EBF1: variants seen among roughly 807,000 people sequenced by gnomAD.
EBF1 encodes the protein transcription factor COE1.
In EBF1, 10 loss-of-function variants were observed where a neutral mutation model predicts 68.4. The observed-to-expected ratio is 0.15, with a 90% confidence interval of 0.09 to 0.25. The LOEUF is 0.25. Ranked by LOEUF, EBF1 falls within the 10% of genes least tolerant of loss-of-function variation. The pLI is 1.00. For missense variants in EBF1, 509 were observed against 794.4 expected, an observed-to-expected ratio of 0.64 and a Z score of 4.32; for synonymous variants, 298 against 299.8, an observed-to-expected ratio of 0.99 and a Z score of 0.06.
chr5:159,058,046 T>C (rs1775094787), intron 6 of EBF1, among the ~76,000 whole-genome samples: 1 of 152,194 alleles, frequency 6.6e-6, no homozygotes, highest in African/African-American at 2.4e-5. Flanking sequence ...GGTTCTTAGC[T>C]AAAGGGATGA....
At chr5:158,761,679 G>A (rs1355651019) in intron 10 of EBF1, among the ~76,000 whole-genome samples, 3 of 152,110 alleles carry the variant, frequency 2.0e-5, no homozygotes, top group Admixed American at 2.0e-4. Context: ...ATATAATCCT[G>A]GTGAGTTAAG....
chr5:158,727,479 A>C (rs185885502), intron 11 of EBF1, among the ~76,000 whole-genome samples: 1 of 152,292 alleles, frequency 6.6e-6, no homozygotes, highest in East Asian at 1.9e-4. Context: ...AGAAAAGTCA[A>C]CCTTGACCTC....
chr5:158,764,976 G>A (rs947329933), intron 10 of EBF1, among the ~76,000 whole-genome samples: 5 of 152,080 alleles, frequency 3.3e-5, no homozygotes, highest in Non-Finnish European at 7.4e-5. Context: ...AAAAGGAATT[G>A]ATGAATGAGA....
At chr5:158,734,241 G>C (rs992370422) in intron 10 of EBF1, among the ~76,000 whole-genome samples, 1 of 152,006 alleles carries the variant, frequency 6.6e-6, no homozygotes, top group Non-Finnish European at 1.5e-5. Context: ...TTTTTGCTGT[G>C]AATTTTCTAA....
intron 15 of EBF1, among the ~76,000 whole-genome samples, chr5:158,707,396 C>T (rs556879012): frequency 3.3e-5 from 5 of 152,170 alleles, no homozygotes; most frequent in Non-Finnish European, 5.9e-5. Context: ...AATCAGAATA[C>T]TCTAGTGGTG....
Position 158,823,585 on chromosome 5 carries a change from A to G in EBF1, c.637-268T>C, listed in dbSNP as rs530924588. Among the ~76,000 whole-genome samples the G allele has an allele frequency of 2.0e-5, 3 of 152,354 alleles. No individual in the cohort carries two copies. The South Asian group carries it at 6.2e-4, about 32-fold the overall frequency. ...TACACTGTTAACCATAATTTTAACA[A>G]GAGGATCTTTATTAGCATATTTTTT... On this transcript the variant is annotated intron_variant, in intron 7 of 15. Transcript: ENST00000313708.
chr5:158,804,429 A>G (rs1781199248), intron 8 of EBF1, among the ~76,000 whole-genome samples: 1 of 152,130 alleles, frequency 6.6e-6, no homozygotes, highest in African/African-American at 2.4e-5. Flanking sequence ...TGAGCAAGGG[A>G]AGGACAAAAA....
intron 10 of EBF1, among the ~76,000 whole-genome samples, chr5:158,763,258 G>A (rs1388909793): frequency 6.6e-6 from 1 of 152,182 alleles, no homozygotes; most frequent in Non-Finnish European, 1.5e-5. Flanking sequence ...GAGTGCAGCA[G>A]GGGACAGTAT....
intron 8 of EBF1, among the ~76,000 whole-genome samples, chr5:158,818,039 A>C (rs1784094986): frequency 1.3e-5 from 2 of 152,164 alleles, no homozygotes. Context: ...AGTTCAGAGC[A>C]CCATAAAATA....
At chr5:158,708,380 T>C (rs1168015339) in intron 14 of EBF1, among the ~76,000 whole-genome samples, 1 of 152,210 alleles carries the variant, frequency 6.6e-6, no homozygotes, top group African/African-American at 2.4e-5. Flanking sequence ...GGAGATCTTT[T>C]ATGTGTTTAT....
intron 6 of EBF1, among the ~76,000 whole-genome samples, chr5:158,879,700 C>T (rs945107065): frequency 1.3e-5 from 2 of 152,084 alleles, no homozygotes; most frequent in Non-Finnish European, 2.9e-5. Flanking sequence ...TACCCTAGAA[C>T]TTAAAGTATA....
At chr5:159,041,024 G>A (rs1771094131) in intron 6 of EBF1, among the ~76,000 whole-genome samples, 2 of 152,200 alleles carry the variant, frequency 1.3e-5, no homozygotes, top group African/African-American at 4.8e-5. Flanking sequence ...CATATCTACA[G>A]AGGAACAGTC....
At chr5:158,998,949 A>G (rs1654273911) in intron 6 of EBF1, among the ~76,000 whole-genome samples, 1 of 152,112 alleles carries the variant, frequency 6.6e-6, no homozygotes, top group African/African-American at 2.4e-5. Context: ...CAACCTGAAG[A>G]GTTTAGTGCC....
intron 10 of EBF1, among the ~76,000 whole-genome samples, chr5:158,751,848 C>T (rs1561825348): frequency 6.6e-6 from 1 of 151,994 alleles, no homozygotes; most frequent in Non-Finnish European, 1.5e-5. Context: ...ATTTATAAAA[C>T]ATTTGAGCAT....
intron 6 of EBF1, among the ~76,000 whole-genome samples, chr5:158,934,054 T>C (rs962941084): frequency 2.6e-5 from 4 of 152,108 alleles, no homozygotes; most frequent in Admixed American, 2.6e-4. Context: ...CTCAAAACCA[T>C]GATATGGAGC....
At chr5:158,745,188 C>T (rs1230690739) in intron 10 of EBF1, among the ~76,000 whole-genome samples, 1 of 152,120 alleles carries the variant, frequency 6.6e-6, no homozygotes, top group African/African-American at 2.4e-5. Flanking sequence ...ATTGTGTGGG[C>T]AATGGGTATG....
chr5:159,089,825 AAAG>A (rs1781315158), intron 4 of EBF1, among the ~76,000 whole-genome samples: 1 of 151,848 alleles, frequency 6.6e-6, no homozygotes, highest in Admixed American at 6.6e-5. Context: ...GGAAAGAAAG[AAAG>A]AAGAAAAGAA....
chr5:158,731,693 C>G (rs1764125485), intron 10 of EBF1, among the ~76,000 whole-genome samples: 2 of 152,078 alleles, frequency 1.3e-5, no homozygotes, highest in East Asian at 3.9e-4. Context: ...CCAGTGCCAC[C>G]CTTGAGAGAG....
rs13153122 is a variant in EBF1 at position 159,087,359 on chromosome 5, T to C, written c.412-2620A>G. 5.0e-3 allele frequency among the ~76,000 whole-genome samples: 340 copies of C among 67,510 alleles called. 3 individuals are homozygous for C. The highest frequency in any genetic ancestry group is 0.019 in the African/African-American group (292 of 15,584). The allele number at this position is 67,510 out of a possible 152,430, so 44.3% of individuals were successfully genotyped here. A position where few individuals can be genotyped will look rare whatever the true frequency, so the allele number is the denominator to read the frequency against. ...ATACACACACATATATATATACACA[T>C]ATATATATACACACATATATATACA... On this transcript the variant is annotated intron_variant, in intron 4 of 15. Transcript: ENST00000313708.
Sources: gnomAD v4.1 joint callset for allele counts (sites outside exome capture counted in the v4.1 genomes callset) on GRCh38, gnomAD v4.1.1 for gene constraint, MANE v1.5 for transcripts, NCBI Gene and HGNC (gene_info 2026-07-23, HGNC 2026-07-21) for gene names.